Variants in NLRP2 observed in about 807,000 individuals in gnomAD.
NLRP2 encodes NACHT, LRR and PYD domains-containing protein 2.
In NLRP2, 107 loss-of-function variants were observed where a neutral mutation model predicts 97.2. That is an observed-to-expected ratio of 1.10 (90% CI 0.94 to 1.29). NLRP2 has a LOEUF of 1.29. NLRP2 is among the 50% of genes most tolerant of loss of function. The probability of loss-of-function intolerance (pLI) is 0.00; values close to 1 mark genes in which losing one functional copy is unlikely to be tolerated. For synonymous variants in NLRP2, 663 were observed against 551.5 expected, an observed-to-expected ratio of 1.20 and a Z score of -2.83; for missense variants, 1,495 against 1,330.3, an observed-to-expected ratio of 1.12 and a Z score of -1.93.
intron 1 of NLRP2, among the ~76,000 whole-genome samples, chr19:54,967,669 T>A (rs1031830113): frequency 6.6e-6 from 1 of 151,858 alleles, no homozygotes; most frequent in Non-Finnish European, 1.5e-5. Flanking sequence ...TTGGAACAGG[T>A]CAGATGCTGT....
At position 54,970,404 on chromosome 19, in the gene NLRP2, C is replaced by A. The variant is rs368196289; in HGVS notation, c.280+109C>A. 2.8e-3 allele frequency: 3,699 copies of A among 1,342,874 alleles called. 14 individuals are homozygous for A. Among genetic ancestry groups the A allele is most frequent in the Middle Eastern group, 6.4e-3 (34 of 5,350 alleles). 83.2% of individuals were successfully genotyped at this position (1,342,874 alleles called of 1,614,324 possible). ...GCTGGCTCACGCCTGTCGTCCCAGC[C>A]CTTTGGGAGGCTGAGGCGGTTGGAC... On this transcript the variant is annotated intron_variant, in intron 2 of 12. Coordinates refer to ENST00000448584, the MANE Select transcript of NLRP2 (RefSeq NM_017852.5).
intron 6 of NLRP2, 144 bp from the exon 7 acceptor site, chr19:54,984,903 G>A (rs1031099783): frequency 1.4e-5 from 11 of 785,628 alleles, no homozygotes; most frequent in Non-Finnish European, 2.5e-5. Context: ...GTGTTGAGTT[G>A]TCTGATGGTG....
At chr19:54,981,400 C>T (rs938590074) in intron 4 of NLRP2, among the ~76,000 whole-genome samples, 1 of 151,902 alleles carries the variant, frequency 6.6e-6, no homozygotes, top group African/African-American at 2.4e-5. Context: ...CTCCTGAGCT[C>T]AAGTGATCCA....
intron 12 of NLRP2, among the ~76,000 whole-genome samples, chr19:54,998,630 C>CTTTTT (rs2072989914): frequency 3.1e-5 from 1 of 32,320 alleles, no homozygotes. Flanking sequence ...TTTTTTTTTT[C>CTTTTT]CTTTTTTTTT....
chr19:54,980,198 T>C (rs933611321), intron 4 of NLRP2, among the ~76,000 whole-genome samples: 1 of 104,900 alleles, frequency 9.5e-6, no homozygotes, highest in African/African-American at 3.6e-5. Flanking sequence ...TAAAGAAATG[T>C]TTTGTTTTGT....
intron 1 of NLRP2, among the ~76,000 whole-genome samples, chr19:54,968,064 G>A (rs971695440): frequency 6.6e-6 from 1 of 151,734 alleles, no homozygotes; most frequent in Non-Finnish European, 1.5e-5. Context: ...GACTACAGCC[G>A]CCTGTCACCA....
chr19:54,973,458 C>A (rs980219678), intron 2 of NLRP2, among the ~76,000 whole-genome samples: 1 of 149,820 alleles, frequency 6.7e-6, no homozygotes, highest in East Asian at 2.0e-4. Flanking sequence ...TCACTGTGAC[C>A]TCCTCCTCCC....
At chr19:54,977,305 C>T (rs1342938350) in intron 3 of NLRP2, among the ~76,000 whole-genome samples, 1 of 151,982 alleles carries the variant, frequency 6.6e-6, no homozygotes, top group Non-Finnish European at 1.5e-5. Flanking sequence ...CCTGTAATCC[C>T]AGCTACTCCG....
intron 8 of NLRP2, chr19:54,989,596 C>A (rs1302069722): frequency 3.5e-6 from 1 of 285,622 alleles, no homozygotes; most frequent in Non-Finnish European, 6.8e-6. Context: ...GTCTGACCAC[C>A]CTTTGACAAC....
At chr19:54,999,019 A>AC (rs1160408906) in intron 12 of NLRP2, among the ~76,000 whole-genome samples, 3 of 148,964 alleles carry the variant, frequency 2.0e-5, no homozygotes, top group South Asian at 2.1e-4. Flanking sequence ...TGGGGGGCTG[A>AC]CCCCCCCACC....
At chr19:54,998,547 GTTTGTTTA>G (rs1350562792) in intron 12 of NLRP2, among the ~76,000 whole-genome samples, 2 of 107,742 alleles carry the variant, frequency 1.9e-5, no homozygotes, top group Non-Finnish European at 4.0e-5. Context: ...AAGTTTGTTT[GTTTGTTTA>G]TTTATTATTT....
intron 8 of NLRP2, among the ~76,000 whole-genome samples, chr19:54,987,575 C>G (rs953109663): frequency 1.1e-4 from 17 of 152,118 alleles, no homozygotes; most frequent in African/African-American, 3.4e-4. Context: ...AACTCTGTCT[C>G]TACTAATAAT....
intron 10 of NLRP2, 46 bp downstream of exon 10, chr19:54,990,718 G>A (rs565254232): frequency 3.4e-4 from 550 of 1,595,326 alleles, no homozygotes; most frequent in Non-Finnish European, 1.7e-4. Flanking sequence ...ATATGCACAC[G>A]CCCCCCACCT....
At position 54,985,163 on chromosome 19, in the gene NLRP2, T is replaced by TCTA. The variant is rs2071971086; in HGVS notation, c.2147_2148insCTA (p.Val716_Arg717insTer). 6.2e-7 allele frequency: 1 copy of TCTA among 1,614,024 alleles called. No individual in the cohort carries two copies. The highest frequency in any genetic ancestry group is 1.7e-5 in the Admixed American group (1 of 59,972). On this transcript the variant is annotated stop_gained and inframe_insertion, in exon 7 of 13. Transcript: ENST00000448584. LOFTEE classifies it high-confidence loss of function. ...GATAGCTTTCTCAGTGCCTCCCTAGTAAGGATCCTGTGTGAACAAATAGCC... is the reference window on the plus strand; with the variant it reads ...GATAGCTTTCTCAGTGCCTCCCTAGTCTAAAGGATCCTGTGTGAACAAATAGCC...
chr19:54,988,560 T>A (rs1184234030), intron 8 of NLRP2, among the ~76,000 whole-genome samples: 2 of 152,042 alleles, frequency 1.3e-5, no homozygotes, highest in Non-Finnish European at 2.9e-5. Flanking sequence ...CCCAGCTAAT[T>A]TTTGGTATAT....
chr19:54,979,698 A>G (rs1568486442), intron 4 of NLRP2, among the ~76,000 whole-genome samples: 1 of 152,042 alleles, frequency 6.6e-6, no homozygotes, highest in Admixed American at 6.6e-5. Context: ...GGCTCTGTAT[A>G]ATAGAGGTGA....
chr19:54,969,992 A>C lies in NLRP2; in HGVS notation c.-17-7A>C, dbSNP rs747970354. 6.8e-6 allele frequency: 11 copies of C among 1,612,440 alleles called. No individual in the cohort carries two copies. Among genetic ancestry groups the C allele is most frequent in the South Asian group, 4.4e-5 (4 of 91,014 alleles). On this transcript the variant is annotated splice_polypyrimidine_tract_variant and splice_region_variant and intron_variant, in intron 1 of 12. Transcript: ENST00000448584. ...CCTCTCCACTCCTCCCTTGATTGTCATCACAGCTCCCACGTGGGACAAGAT... is the reference window on the plus strand; with the variant it reads ...CCTCTCCACTCCTCCCTTGATTGTCCTCACAGCTCCCACGTGGGACAAGAT...
intron 11 of NLRP2, 81 bp from the exon 12 acceptor site, chr19:54,997,236 C>G: frequency 7.0e-7 from 1 of 1,427,836 alleles, no homozygotes; most frequent in Non-Finnish European, 9.9e-7. Flanking sequence ...AGATCCCCAA[C>G]ACACGAGGGT....
At chr19:54,967,915 C>CTTCT (rs2070573078) in intron 1 of NLRP2, among the ~76,000 whole-genome samples, 1 of 121,496 alleles carries the variant, frequency 8.2e-6, no homozygotes. Flanking sequence ...GTTGCTACTG[C>CTTCT]TATTTTTTTT....
Sources: allele counts gnomAD v4.1 joint callset (sites outside exome capture counted in the v4.1 genomes callset), GRCh38; gene constraint gnomAD v4.1.1; transcripts MANE v1.5; gene names NCBI Gene and HGNC (gene_info 2026-07-23, HGNC 2026-07-21).